The following CRYL1 variants were observed in gnomAD, a reference collection of about 807,000 sequenced individuals.
CRYL1 encodes lambda-crystallin homolog.
In CRYL1, 29 loss-of-function variants were observed where a neutral mutation model predicts 36.6. The ratio of observed to expected loss-of-function variants is 0.79; its 90% CI spans 0.59 to 1.08. The LOEUF is 1.08. Ranked by LOEUF, CRYL1 falls within the 50% of genes least tolerant of loss-of-function variation. CRYL1 has a pLI of 0.00. For missense variants in CRYL1, 411 were observed against 407.9 expected, an observed-to-expected ratio of 1.01 and a Z score of -0.06; for synonymous variants, 152 against 151.5, an observed-to-expected ratio of 1.00 and a Z score of -0.02.
At chr13:20,474,553 T>C (rs2033126025) in intron 3 of CRYL1, among the ~76,000 whole-genome samples, 2 of 150,460 alleles carry the variant, frequency 1.3e-5, no homozygotes, top group South Asian at 2.2e-4. Flanking sequence ...TAAGTGATTG[T>C]AATTAGTAAT....
chr13:20,429,640 A>G (rs1593438009), intron 5 of CRYL1, among the ~76,000 whole-genome samples: 1 of 152,192 alleles, frequency 6.6e-6, no homozygotes, highest in Non-Finnish European at 1.5e-5. Flanking sequence ...CTAGGGCCAC[A>G]CTGAGACGAG....
At chr13:20,483,616 T>G (rs143492222) in intron 3 of CRYL1, among the ~76,000 whole-genome samples, 2,774 of 152,268 alleles carry the variant, frequency 0.018, 147 homozygotes, top group Admixed American at 0.11. Flanking sequence ...CTCAGCTTAC[T>G]GCAACCTCCA....
At chr13:20,484,607 G>A (rs1321568554) in intron 3 of CRYL1, among the ~76,000 whole-genome samples, 1 of 152,118 alleles carries the variant, frequency 6.6e-6, no homozygotes, top group Non-Finnish European at 1.5e-5. Flanking sequence ...AGGAGGCAGA[G>A]GTTGCAGTGA....
intron 3 of CRYL1, among the ~76,000 whole-genome samples, chr13:20,452,274 TCTAAA>T (rs1455164223): frequency 1.4e-5 from 2 of 142,566 alleles, no homozygotes; most frequent in Non-Finnish European, 1.5e-5. Context: ...CCAACCCAAC[TCTAAA>T]CTATCTAGAA....
rs1309973181 is a variant in CRYL1, at chr13:20,449,344, T to C, written c.277-9590A>G. Among the ~76,000 whole-genome samples the C allele has an allele frequency of 3.9e-5, 6 of 152,164 alleles. No individual in the cohort carries two copies. In the East Asian group the frequency reaches 1.2e-3, roughly 29 times the overall value. ...TCTAATATTAGAAGGTGGCCTCTGA[T>C]TAACTAAAGATGTATGCTTTAAATC... is the stretch of plus-strand genomic sequence containing the variant. On this transcript the variant is annotated intron_variant, in intron 3 of 7. Coordinates refer to ENST00000298248, the MANE Select transcript of CRYL1 (RefSeq NM_015974.3).
chr13:20,495,454 T>G (rs1565982974), intron 2 of CRYL1, among the ~76,000 whole-genome samples: 1 of 152,182 alleles, frequency 6.6e-6, no homozygotes, highest in African/African-American at 2.4e-5. Context: ...TTTTTTAATG[T>G]TTCTATCTTT....
chr13:20,503,907 T>C (rs139457558), intron 2 of CRYL1, among the ~76,000 whole-genome samples: 11 of 152,292 alleles, frequency 7.2e-5, no homozygotes, highest in African/African-American at 2.4e-4. Context: ...AGTACAGGCC[T>C]ACCTAGTTTC....
intron 3 of CRYL1, among the ~76,000 whole-genome samples, chr13:20,482,305 C>T (rs1169929992): frequency 1.3e-5 from 2 of 152,148 alleles, no homozygotes; most frequent in Non-Finnish European, 2.9e-5. Flanking sequence ...TGTAAGGAAA[C>T]CCCATTTAAA....
intron 5 of CRYL1, chr13:20,431,293 G>A: frequency 3.0e-6 from 3 of 985,422 alleles, no homozygotes; most frequent in Non-Finnish European, 3.6e-6. Flanking sequence ...GATGACTCGA[G>A]CCCGAGCAGC....
chr13:20,497,462 C>CACCACACACACCACCATACACACA lies in CRYL1; in HGVS notation c.150-7967_150-7966insTGTGTGTATGGTGGTGTGTGTGGT, dbSNP rs1555232067. Among the ~76,000 whole-genome samples, 22 of 136,000 alleles carry CACCACACACACCACCATACACACA rather than the reference C, an allele frequency of 1.6e-4. 2 individuals are homozygous for CACCACACACACCACCATACACACA. The highest frequency in any genetic ancestry group is 5.9e-4 in the African/African-American group (21 of 35,490). 89.2% of individuals were successfully genotyped at this position (136,000 alleles called of 152,430 possible). On this transcript the variant is annotated intron_variant, in intron 2 of 7. Transcript: ENST00000298248. Reference sequence around the variant, plus strand: ...CACAACTACACACACCACATATACACACTACACACACACCACCACACACAC... The same window carrying CACCACACACACCACCATACACACA: ...CACAACTACACACACCACATATACACACCACACACACCACCATACACACAACTACACACACACCACCACACACAC...
intron 3 of CRYL1, among the ~76,000 whole-genome samples, chr13:20,470,803 G>A (rs1469833857): frequency 6.6e-6 from 1 of 151,464 alleles, no homozygotes; most frequent in Admixed American, 6.6e-5. Flanking sequence ...CCAGCTACTC[G>A]GGAGGCTGAG....
intron 3 of CRYL1, among the ~76,000 whole-genome samples, chr13:20,465,832 C>T (rs1436693556): frequency 6.6e-6 from 1 of 151,898 alleles, no homozygotes; most frequent in Non-Finnish European, 1.5e-5. Flanking sequence ...GGATGTGGGG[C>T]CCAGAGGGAG....
chr13:20,509,479 G>C lies in CRYL1; in HGVS notation c.149+2964C>G, dbSNP rs190659109. On this transcript the variant is annotated intron_variant, in intron 2 of 7. Coordinates refer to ENST00000298248, the MANE Select transcript of CRYL1 (RefSeq NM_015974.3). Reference sequence around the variant, plus strand: ...AACTAGTTTTTATGCACAGAGAGTCGCAGCAAATGCAGAAAGAAAAAATTT... The same window carrying C: ...AACTAGTTTTTATGCACAGAGAGTCCCAGCAAATGCAGAAAGAAAAAATTT... Among the ~76,000 whole-genome samples, 96 of 152,176 alleles carry C rather than the reference G, an allele frequency of 6.3e-4. 3 individuals carry two copies. In the South Asian group the frequency reaches 0.019, roughly 30 times the overall value.
Position 20,444,819 on chromosome 13 carries a change from C to T in CRYL1, c.277-5065G>A, listed in dbSNP as rs138243380. Among the ~76,000 whole-genome samples, 6 of 152,256 alleles carry T rather than the reference C, an allele frequency of 3.9e-5. No homozygotes were observed. The East Asian group carries it at 5.8e-4, about 15-fold the overall frequency. On this transcript the variant is annotated intron_variant, in intron 3 of 7. Transcript: ENST00000298248. ...GCAACCTCTGCCTCTCAGGTTCAAG[C>T]GATTCTCCTGACTCAGCCTCCAGAG... is the stretch of plus-strand genomic sequence containing the variant.
chr13:20,525,709 T>C lies in CRYL1; in HGVS notation c.41+45A>G. 1 of 1,328,442 alleles carries C rather than the reference T, an allele frequency of 7.5e-7. No homozygotes were observed. The highest frequency in any genetic ancestry group is 9.7e-7 in the Non-Finnish European group (1 of 1,034,202). 82.3% of individuals were successfully genotyped at this position (1,328,442 alleles called of 1,614,324 possible). On this transcript the variant is annotated intron_variant, in intron 1 of 7. Transcript: ENST00000298248. This position sits in a 1 kb window ranked among gnomAD's most constrained non-coding sequence, Gnocchi z 4.3. ...ACGCGAGGGCACCACGTCCCCGGCG[T>C]CTCCCCGGGCTCCAGGGGCAGCAGC...
At chr13:20,406,916 A>G (rs2031393355) in intron 6 of CRYL1, among the ~76,000 whole-genome samples, 1 of 151,702 alleles carries the variant, frequency 6.6e-6, no homozygotes, top group African/African-American at 2.4e-5. Flanking sequence ...CAGTTCACGC[A>G]GCACTTGCTC....
intron 3 of CRYL1, among the ~76,000 whole-genome samples, chr13:20,442,988 C>T (rs1053191955): frequency 6.6e-6 from 1 of 152,218 alleles, no homozygotes; most frequent in Admixed American, 6.5e-5. Context: ...GCAGTATCAG[C>T]AGCTGACAGG....
chr13:20,420,700 G>GTTTTTTTTTTTT (rs5802072), intron 5 of CRYL1, among the ~76,000 whole-genome samples: 1,314 of 36,394 alleles, frequency 0.036, 287 homozygotes, highest in East Asian at 0.23. Context: ...TAAAATAGAG[G>GTTTTTTTTTTTT]TTGTGTGTGT....
At chr13:20,408,827 C>T (rs2031447912) in intron 6 of CRYL1, among the ~76,000 whole-genome samples, 1 of 151,992 alleles carries the variant, frequency 6.6e-6, no homozygotes, top group Non-Finnish European at 1.5e-5. Context: ...GAACTACAAA[C>T]CACTGCTCAA....
Sources: gnomAD v4.1 joint callset for allele counts (sites outside exome capture counted in the v4.1 genomes callset) on GRCh38, gnomAD v4.1.1 for gene constraint, Gnocchi (gnomAD v3.1) non-coding constraint, MANE v1.5 for transcripts, NCBI Gene and HGNC (gene_info 2026-07-23, HGNC 2026-07-21) for gene names.